Variants in PCDHGA7 observed in about 807,000 individuals in gnomAD.
The protein encoded by PCDHGA7 is protocadherin gamma-A7.
Under a neutral mutation model 58.3 loss-of-function variants are expected in PCDHGA7, and 44 were observed. That is an observed-to-expected ratio of 0.75 (90% CI 0.59 to 0.97). The LOEUF is 0.97. Among genes scored for constraint, PCDHGA7 ranks in the 50% least tolerant of loss-of-function variants. The pLI, the probability that PCDHGA7 is intolerant of heterozygous loss-of-function variation, is 0.00. For missense variants in PCDHGA7, 1,266 were observed against 1,188.7 expected, an observed-to-expected ratio of 1.06 and a Z score of -0.96; for synonymous variants, 516 against 504.2, an observed-to-expected ratio of 1.02 and a Z score of -0.31.
intron 1 of PCDHGA7, among the ~76,000 whole-genome samples, chr5:141,478,961 C>T (rs887338339): frequency 6.6e-6 from 1 of 152,206 alleles, no homozygotes; most frequent in Non-Finnish European, 1.5e-5. Context: ...CCTCATTCCT[C>T]CACCTTTCAA....
intron 1 of PCDHGA7, chr5:141,410,203 C>T: frequency 1.9e-6 from 3 of 1,614,022 alleles, no homozygotes; most frequent in Non-Finnish European, 2.5e-6. Flanking sequence ...TCGCAGACAA[C>T]TTGCAAGAGA....
In PCDHGA7 at chr5:141,432,976, C is replaced by A. The variant is rs373558125; in HGVS notation, c.2424+47653C>A. The stretch of plus-strand genomic sequence containing the variant: ...GCTTGACAGGAGCGCCGGCGTCGCA[C>A]TTTGTGGGCGTGGACGGGGTGCAGG... On this transcript the variant is annotated intron_variant, in intron 1 of 3. Coordinates refer to ENST00000518325, the MANE Select transcript of PCDHGA7 (RefSeq NM_018920.4). This position sits in a 1 kb window ranked among gnomAD's most constrained non-coding sequence, Gnocchi z 6.0. 1 of 1,614,210 alleles carries A rather than the reference C, an allele frequency of 6.2e-7. No individual in the cohort carries two copies.
chr5:141,403,302 A>G (rs1195717654), intron 1 of PCDHGA7: 1 of 1,613,904 alleles, frequency 6.2e-7, no homozygotes, highest in East Asian at 2.2e-5. Flanking sequence ...GTGAAACTGT[A>G]CGGAATAGAA....
intron 1 of PCDHGA7, among the ~76,000 whole-genome samples, chr5:141,407,512 T>C (rs910710605): frequency 6.6e-6 from 1 of 152,192 alleles, no homozygotes; most frequent in East Asian, 1.9e-4. Context: ...TCTTAGGCTA[T>C]GTAGGACTTA....
Position 141,487,071 on chromosome 5 carries a change from C to A in PCDHGA7, c.2425-7736C>A. On this transcript the variant is annotated intron_variant, in intron 1 of 3. Coordinates refer to ENST00000518325, the MANE Select transcript of PCDHGA7 (RefSeq NM_018920.4). The surrounding 1 kb of genome is among the most constrained non-coding windows in gnomAD (Gnocchi z 5.0). ...GCTGGGGAGGTGCGGACGGCTGTTC[C>A]TATCCCAGCTGACCTCCCACCACAG... is the stretch of plus-strand genomic sequence containing the variant. The A allele has an allele frequency of 6.2e-7, 1 of 1,614,148 alleles. No individual in the cohort carries two copies. Among genetic ancestry groups the A allele is most frequent in the Non-Finnish European group, 8.5e-7 (1 of 1,180,002 alleles).
At chr5:141,433,205 TTTC>T in intron 1 of PCDHGA7, 1 of 1,573,264 alleles carries the variant, frequency 6.4e-7, no homozygotes, top group Non-Finnish European at 8.6e-7. Context: ...TCAAATCTTC[TTTC>T]TTTTTTTTTT....
At chr5:141,488,031 A>G (rs1475176300) in intron 1 of PCDHGA7, among the ~76,000 whole-genome samples, 1 of 152,122 alleles carries the variant, frequency 6.6e-6, no homozygotes, top group Non-Finnish European at 1.5e-5. Context: ...CTAGGTTACC[A>G]TTTCCCAAGG....
chr5:141,409,720 A>C (rs2095305667), intron 1 of PCDHGA7: 1 of 1,613,176 alleles, frequency 6.2e-7, no homozygotes, highest in Non-Finnish European at 8.5e-7. Context: ...CATACGTGTC[A>C]GTGAGCGCGC....
intron 1 of PCDHGA7, among the ~76,000 whole-genome samples, chr5:141,444,150 GGA>G (rs1471930589): frequency 1.6e-4 from 18 of 114,012 alleles, no homozygotes; most frequent in Non-Finnish European, 2.3e-4. Context: ...TGTGTGTACT[GGA>G]TTTTTTTTTT....
chr5:141,511,003 G>T lies in PCDHGA7; in HGVS notation c.2629G>T (p.Ala877Ser), dbSNP rs114669158. ...GGGAGTMGLS[A>S]RYGPQFTLQH... The stretch of plus-strand genomic sequence containing the variant: ...GGGTGCCGGCACCATGGGATTGAGC[G>T]CCCGCTACGGACCCCAGTTCACCCT... Residue 877 changes from alanine to serine, a missense_variant, in exon 4 of 4, where the codon GCC (alanine) becomes TCC (serine). Coordinates refer to ENST00000518325, the MANE Select transcript of PCDHGA7 (RefSeq NM_018920.4). 2 of 1,614,032 alleles carry T rather than the reference G, an allele frequency of 1.2e-6. No individual in the cohort carries two copies. Among genetic ancestry groups the T allele is most frequent in the Non-Finnish European group, 1.7e-6 (2 of 1,180,020 alleles).
At position 141,450,754 on chromosome 5, in the gene PCDHGA7, C is replaced by T. The variant is rs192088793; in HGVS notation, c.2425-44053C>T. Among the ~76,000 whole-genome samples, 54 of 151,098 alleles carry T rather than the reference C, an allele frequency of 3.6e-4. 1 individual carries two copies. Among genetic ancestry groups the T allele is most frequent in the African/African-American group, 1.1e-3 (47 of 41,192 alleles). ...CGCCCGCCTTGGCCTCCCAAAGTGC[C>T]GGGATTACAGGCATGAGCCACCGTG... On this transcript the variant is annotated intron_variant, in intron 1 of 3. Transcript: ENST00000518325.
At chr5:141,494,770 C>A (rs767006872) in intron 1 of PCDHGA7, 37 bp from the exon 2 acceptor site, 14 of 1,613,904 alleles carry the variant, frequency 8.7e-6, no homozygotes, top group Non-Finnish European at 1.1e-5. Flanking sequence ...TAACTTCTCA[C>A]GGGTACTCAG....
At chr5:141,394,310 GC>G in intron 1 of PCDHGA7, 6 of 1,613,936 alleles carry the variant, frequency 3.7e-6, no homozygotes, top group Non-Finnish European at 5.1e-6. Context: ...TGCAGGGGGC[GC>G]CCCTGTCCTC....
intron 1 of PCDHGA7, among the ~76,000 whole-genome samples, chr5:141,466,514 T>C (rs1276000407): frequency 6.6e-6 from 1 of 152,226 alleles, no homozygotes; most frequent in Non-Finnish European, 1.5e-5. Context: ...AAGATCATTT[T>C]TTTTCCTCCC....
chr5:141,408,540 C>G (rs201370009), intron 1 of PCDHGA7: 4 of 1,613,928 alleles, frequency 2.5e-6, no homozygotes, highest in Non-Finnish European at 3.4e-6. Flanking sequence ...GTGGAAAATC[C>G]TTTAAATATT....
At chr5:141,393,017 C>T (rs1192044321) in intron 1 of PCDHGA7, 2 of 1,613,754 alleles carry the variant, frequency 1.2e-6, no homozygotes, top group Non-Finnish European at 1.7e-6. Context: ...GTATCGTCTC[C>T]AGAGGTAGGA....
At position 141,512,951 on chromosome 5, in the gene PCDHGA7, AATAAT is replaced by A. The variant is rs1231390259; in HGVS notation, c.*1780_*1784del. 2.1e-5 allele frequency: 3 copies of A among 141,994 alleles called. No homozygotes were observed. Among genetic ancestry groups the A allele is most frequent in the Non-Finnish European group, 4.8e-5 (3 of 62,372 alleles). The allele number at this position is 141,994 out of a possible 1,614,324, so 8.8% of individuals were successfully genotyped here. A position where few individuals can be genotyped will look rare whatever the true frequency, so the allele number is the denominator to read the frequency against. On this transcript the variant is annotated 3_prime_UTR_variant, in exon 4 of 4. Coordinates refer to ENST00000518325, the MANE Select transcript of PCDHGA7 (RefSeq NM_018920.4). ...TATGGCTTTTTTTCTTCGACAAAAAAATAATAAAACGTTTCTTCTGAAAAGCTGAA... is the reference window on the plus strand; with the variant it reads ...TATGGCTTTTTTTCTTCGACAAAAAAAAAACGTTTCTTCTGAAAAGCTGAA...
rs766474451 is a variant in PCDHGA7 at position 141,477,676 on chromosome 5, AT to A, written c.2425-17130del. On this transcript the variant is annotated intron_variant, in intron 1 of 3. Coordinates refer to ENST00000518325, the MANE Select transcript of PCDHGA7 (RefSeq NM_018920.4). This position sits in a 1 kb window ranked among gnomAD's most constrained non-coding sequence, Gnocchi z 4.9. ...TAAATCGTGACAATGGCATAGTGTCATCCTTAGTGCCCCTAGACTATGAGGA... is the reference window on the plus strand; with the variant it reads ...TAAATCGTGACAATGGCATAGTGTCACCTTAGTGCCCCTAGACTATGAGGA... 6.2e-7 allele frequency: 1 copy of A among 1,614,194 alleles called. No homozygotes were observed. The highest frequency in any genetic ancestry group is 2.2e-5 in the East Asian group (1 of 44,886).
At chr5:141,407,453 C>G (rs914537742) in intron 1 of PCDHGA7, among the ~76,000 whole-genome samples, 18 of 148,834 alleles carry the variant, frequency 1.2e-4, no homozygotes, top group African/African-American at 4.4e-4. Flanking sequence ...ACACGAGGCT[C>G]ACCAGACAGA....
Sources: allele counts gnomAD v4.1 joint callset (sites outside exome capture counted in the v4.1 genomes callset), GRCh38; gene constraint gnomAD v4.1.1; non-coding constraint Gnocchi (gnomAD v3.1); transcripts MANE v1.5; gene names NCBI Gene and HGNC (gene_info 2026-07-23, HGNC 2026-07-21).